The following PMFBP1 variants were observed in gnomAD, a reference collection of about 807,000 sequenced individuals.
PMFBP1 encodes the protein polyamine modulated factor 1 binding protein 1.
A neutral mutation model predicts 137.8 loss-of-function variants in PMFBP1; 131 were observed. That is an observed-to-expected ratio of 0.95 (90% CI 0.82 to 1.10). The LOEUF is 1.10. Ranked by LOEUF, PMFBP1 falls within the 50% of genes least tolerant of loss-of-function variation. PMFBP1 has a pLI of 0.00. For synonymous variants in PMFBP1, 490 were observed against 450.4 expected (o/e 1.09, Z -1.11); for missense variants, 1,199 against 1,175.4 (o/e 1.02, Z -0.29).
chr16:72,238,090 T>C, the PMFBP1 span, among the ~76,000 whole-genome samples: 1 of 152,240 alleles, frequency 6.6e-6, no homozygotes, highest in African/African-American at 2.4e-5. Context: ...CTATTGTGGA[T>C]AGTGCTGCAA....
At chr16:72,243,404 G>T in the PMFBP1 span, among the ~76,000 whole-genome samples, 1 of 152,152 alleles carries the variant, frequency 6.6e-6, no homozygotes. Context: ...CTGTCACCAT[G>T]CAGGGATCTC....
At chr16:72,136,874 T>G in intron 7 of PMFBP1, 55 bp from the exon 8 acceptor site, 1 of 1,607,886 alleles carries the variant, frequency 6.2e-7, no homozygotes, top group Non-Finnish European at 8.5e-7. Context: ...TGGAGAGTGC[T>G]TTCTAAAATG....
At chr16:72,141,903 C>A (rs2042728972) in intron 5 of PMFBP1, among the ~76,000 whole-genome samples, 1 of 151,688 alleles carries the variant, frequency 6.6e-6, no homozygotes, top group African/African-American at 2.4e-5. Flanking sequence ...TTCCTTGAAC[C>A]ATGTTTGTTT....
chr16:72,201,067 C>A, the PMFBP1 span, among the ~76,000 whole-genome samples: 1 of 152,166 alleles, frequency 6.6e-6, no homozygotes, highest in African/African-American at 2.4e-5. Context: ...TGTTCCCACA[C>A]CACCTATAGG....
chr16:72,157,788 CA>C (rs758143509), intron 3 of PMFBP1, among the ~76,000 whole-genome samples: 7 of 152,124 alleles, frequency 4.6e-5, no homozygotes, highest in Non-Finnish European at 1.0e-4. Context: ...GAGGCTACTG[CA>C]ATAATCCAGA....
At chr16:72,238,839 C>T in the PMFBP1 span, among the ~76,000 whole-genome samples, 2 of 152,104 alleles carry the variant, frequency 1.3e-5, no homozygotes, top group Non-Finnish European at 2.9e-5. Flanking sequence ...TGTCTAGAGA[C>T]ATTTTAATTG....
chr16:72,228,508 T>C, the PMFBP1 span, among the ~76,000 whole-genome samples: 1 of 152,180 alleles, frequency 6.6e-6, no homozygotes. Flanking sequence ...GTTTCTAGGA[T>C]ACCTGGTCAA....
the PMFBP1 span, among the ~76,000 whole-genome samples, chr16:72,217,789 G>C: frequency 2.0e-5 from 3 of 152,144 alleles, no homozygotes; most frequent in Non-Finnish European, 4.4e-5. Flanking sequence ...GGAGGTGGAG[G>C]TTGCAGTGAG....
At chr16:72,226,330 T>C in the PMFBP1 span, among the ~76,000 whole-genome samples, 2 of 152,200 alleles carry the variant, frequency 1.3e-5, no homozygotes, top group African/African-American at 4.8e-5. Flanking sequence ...TGGACTGATT[T>C]ATTCTCTTAA....
At chr16:72,236,714 G>T in the PMFBP1 span, among the ~76,000 whole-genome samples, 137 of 152,222 alleles carry the variant, frequency 9.0e-4, no homozygotes, top group South Asian at 6.8e-3. Context: ...AGCTTCTGCT[G>T]GCAAGTTGTA....
chr16:72,143,383 T>G (rs968698186), intron 5 of PMFBP1, among the ~76,000 whole-genome samples: 13 of 152,192 alleles, frequency 8.5e-5, no homozygotes, highest in Non-Finnish European at 1.9e-4. Flanking sequence ...GACAGTCAAG[T>G]GAAAATCTGG....
At chr16:72,149,126 A>G (rs1217904262) in intron 5 of PMFBP1, among the ~76,000 whole-genome samples, 1 of 152,010 alleles carries the variant, frequency 6.6e-6, no homozygotes, top group Non-Finnish European at 1.5e-5. Flanking sequence ...CCTGCACACT[A>G]CTCTGTCTTA....
At chr16:72,237,871 C>T in the PMFBP1 span, among the ~76,000 whole-genome samples, 1 of 152,144 alleles carries the variant, frequency 6.6e-6, no homozygotes, top group Non-Finnish European at 1.5e-5. Flanking sequence ...TCATTTAGAT[C>T]CCACTTATAA....
chr16:72,211,087 A>G, the PMFBP1 span, among the ~76,000 whole-genome samples: 1 of 152,196 alleles, frequency 6.6e-6, no homozygotes, highest in Admixed American at 6.5e-5. Context: ...AGATTCTACA[A>G]TGCACTTAAG....
the PMFBP1 span, among the ~76,000 whole-genome samples, chr16:72,224,358 T>C: frequency 2.0e-5 from 3 of 152,176 alleles, no homozygotes; most frequent in Non-Finnish European, 2.9e-5. Flanking sequence ...CAGATTGTCT[T>C]ACAGCATAGA....
At chr16:72,204,803 T>C in the PMFBP1 span, among the ~76,000 whole-genome samples, 7 of 152,348 alleles carry the variant, frequency 4.6e-5, no homozygotes, top group East Asian at 1.3e-3. Flanking sequence ...AACAAAACTT[T>C]CTGTGATGAT....
chr16:72,154,567 T>A, intron 3 of PMFBP1, 108 bp from the exon 4 acceptor site: 15 of 1,254,958 alleles, frequency 1.2e-5, no homozygotes, highest in Non-Finnish European at 1.7e-5. Context: ...CATCTATCCA[T>A]CTTTTTATCT....
chr16:72,139,173 C>A, intron 7 of PMFBP1, 116 bp downstream of exon 7: 1 of 767,118 alleles, frequency 1.3e-6, no homozygotes, highest in Non-Finnish European at 2.1e-6. Context: ...CAAGCTCACA[C>A]AGATATAAAA....
chr16:72,150,835 G>C lies in PMFBP1; in HGVS notation c.415-6C>G. 1 of 1,610,306 alleles carries C rather than the reference G, an allele frequency of 6.2e-7. No homozygotes were observed. Among genetic ancestry groups the C allele is most frequent in the Non-Finnish European group, 8.5e-7 (1 of 1,177,968 alleles). On this transcript the variant is annotated splice_polypyrimidine_tract_variant and splice_region_variant and intron_variant, in intron 4 of 20. Coordinates refer to ENST00000237353, the MANE Select transcript of PMFBP1 (RefSeq NM_031293.3). ...TCCTCCTCATAGAGAATCACCTGTA[G>C]GTGTAGGAATAAATCCACATTGAGC...
Sources: allele counts gnomAD v4.1 joint callset (sites outside exome capture counted in the v4.1 genomes callset), GRCh38; gene constraint gnomAD v4.1.1; transcripts MANE v1.5; gene names NCBI Gene and HGNC (gene_info 2026-07-23, HGNC 2026-07-21).